Variants in IQCJ observed in about 807,000 individuals in gnomAD.
IQCJ encodes the protein IQ motif containing J.
IQCJ carries 9 observed loss-of-function variants against 11.0 expected under a neutral mutation model. The observed-to-expected ratio is 0.82, with a 90% confidence interval of 0.49 to 1.43. IQCJ has a LOEUF of 1.43. Ranked by LOEUF, IQCJ falls within the 40% of genes most tolerant of loss-of-function variation. The probability of loss-of-function intolerance (pLI) is 0.00; values close to 1 mark genes in which losing one functional copy is unlikely to be tolerated. For missense variants in IQCJ, 146 were observed against 133.2 expected (o/e 1.10, Z -0.47); for synonymous variants, 55 against 51.3 (o/e 1.07, Z -0.31).
intron 1 of IQCJ, among the ~76,000 whole-genome samples, chr3:159,070,533 GC>G (rs1715497684): frequency 1.3e-5 from 2 of 152,052 alleles, no homozygotes; most frequent in African/African-American, 4.8e-5. Flanking sequence ...TGTGCTATAT[GC>G]TTAAAAATAA....
In IQCJ at chr3:159,201,863, A is replaced by G. The variant is rs565700655; in HGVS notation, c.10-43980A>G. On this transcript the variant is annotated intron_variant, in intron 1 of 3. Coordinates refer to ENST00000397832, the MANE Select transcript of IQCJ (RefSeq NM_001042706.3). ...TTTTCCATCAGTAAGTGAACAGGTC[A>G]CTTATTTATTGGGCACTTTGGTGCT... Among the ~76,000 whole-genome samples, 149 of 152,068 alleles carry G rather than the reference A, an allele frequency of 9.8e-4. 1 individual carries two copies. The highest frequency in any genetic ancestry group is 3.4e-3 in the African/African-American group (140 of 41,486).
chr3:159,084,112 A>G (rs752858269), intron 1 of IQCJ, among the ~76,000 whole-genome samples: 11 of 152,108 alleles, frequency 7.2e-5, no homozygotes, highest in Middle Eastern at 3.4e-3. Context: ...ATCAATATCA[A>G]TTTTCTGGTT....
Position 159,262,949 on chromosome 3 carries a change from C to T in IQCJ, c.*218C>T. ...TCTCATTTCTCTATTATGGAGGTAT[C>T]TTTTTTGCTTTTCTTTATAATAGCA... On this transcript the variant is annotated 3_prime_UTR_variant, in exon 4 of 4. Transcript: ENST00000397832. 1 of 1,283,324 alleles carries T rather than the reference C, an allele frequency of 7.8e-7. No homozygotes were observed. The highest frequency in any genetic ancestry group is 9.9e-7 in the Non-Finnish European group (1 of 1,013,970). The allele number at this position is 1,283,324 out of a possible 1,614,324, so 79.5% of individuals were successfully genotyped here. A position where few individuals can be genotyped will look rare whatever the true frequency, so the allele number is the denominator to read the frequency against.
intron 1 of IQCJ, among the ~76,000 whole-genome samples, chr3:159,115,617 A>T (rs1718934942): frequency 6.6e-6 from 1 of 152,180 alleles, no homozygotes; most frequent in Non-Finnish European, 1.5e-5. Context: ...TCTGACCAAC[A>T]TAGCTAGCTC....
intron 1 of IQCJ, among the ~76,000 whole-genome samples, chr3:159,155,495 G>T (rs1403299821): frequency 1.3e-5 from 2 of 152,124 alleles, no homozygotes; most frequent in Non-Finnish European, 2.9e-5. Context: ...AGCTAACATG[G>T]ATTCCACTTG....
chr3:159,085,735 C>A (rs1716707446), intron 1 of IQCJ, among the ~76,000 whole-genome samples: 1 of 151,430 alleles, frequency 6.6e-6, no homozygotes, highest in East Asian at 1.9e-4. Context: ...AGTGTCTGTT[C>A]ATGTCCTTCG....
intron 1 of IQCJ, among the ~76,000 whole-genome samples, chr3:159,209,852 G>A (rs775168343): frequency 6.6e-6 from 1 of 152,182 alleles, no homozygotes; most frequent in Non-Finnish European, 1.5e-5. Context: ...CATTTGCAGG[G>A]ATGCAACCCT....
intron 1 of IQCJ, among the ~76,000 whole-genome samples, chr3:159,226,694 A>G (rs1725874373): frequency 6.6e-6 from 1 of 152,202 alleles, no homozygotes; most frequent in Non-Finnish European, 1.5e-5. Flanking sequence ...GGGTGAGGAA[A>G]GTACAGAGAA....
At chr3:159,207,163 T>G (rs1354002109) in intron 1 of IQCJ, among the ~76,000 whole-genome samples, 2 of 152,230 alleles carry the variant, frequency 1.3e-5, no homozygotes, top group African/African-American at 4.8e-5. Context: ...GTAGCCTTTG[T>G]TCTACATGCA....
chr3:159,165,566 C>G (rs1722114968), intron 1 of IQCJ, among the ~76,000 whole-genome samples: 1 of 151,802 alleles, frequency 6.6e-6, no homozygotes, highest in South Asian at 2.1e-4. Flanking sequence ...TTTTGTGAAG[C>G]TGGGGCTATT....
At chr3:159,157,677 T>A (rs1363968883) in intron 1 of IQCJ, among the ~76,000 whole-genome samples, 1 of 152,218 alleles carries the variant, frequency 6.6e-6, no homozygotes, top group Admixed American at 6.5e-5. Context: ...TTGTCTAACA[T>A]CTACATGATT....
chr3:159,262,987 T>A lies in IQCJ; in HGVS notation c.*256T>A. 1.7e-6 allele frequency: 2 copies of A among 1,171,228 alleles called. No individual in the cohort carries two copies. Among genetic ancestry groups the A allele is most frequent in the Non-Finnish European group, 2.1e-6 (2 of 942,988 alleles). 72.6% of individuals were successfully genotyped at this position (1,171,228 alleles called of 1,614,324 possible). ...CTTTATAATAGCATATTTCTTTTAG[T>A]ATGTGCTGTGTGTTTCTTTTATTGT... is the stretch of plus-strand genomic sequence containing the variant. On this transcript the variant is annotated 3_prime_UTR_variant, in exon 4 of 4. Coordinates refer to ENST00000397832, the MANE Select transcript of IQCJ (RefSeq NM_001042706.3).
chr3:159,233,313 T>C (rs1203676868), intron 1 of IQCJ, among the ~76,000 whole-genome samples: 1 of 152,112 alleles, frequency 6.6e-6, no homozygotes, highest in Non-Finnish European at 1.5e-5. Flanking sequence ...CAAGAAAGGT[T>C]CCAAGGAGTT....
At chr3:159,209,376 A>G (rs73029442) in intron 1 of IQCJ, among the ~76,000 whole-genome samples, 2,412 of 152,168 alleles carry the variant, frequency 0.016, 65 homozygotes, top group African/African-American at 0.055. Context: ...TTCTGCTGAC[A>G]GTCACTTCCA....
intron 1 of IQCJ, among the ~76,000 whole-genome samples, chr3:159,086,679 A>G (rs1486795204): frequency 6.6e-6 from 1 of 151,870 alleles, no homozygotes; most frequent in Non-Finnish European, 1.5e-5. Context: ...CTTTGAAGCA[A>G]TTGTGAATGG....
intron 1 of IQCJ, among the ~76,000 whole-genome samples, chr3:159,107,451 T>C (rs1223630186): frequency 6.6e-6 from 1 of 152,178 alleles, no homozygotes; most frequent in Non-Finnish European, 1.5e-5. Context: ...ATCCAGTTTA[T>C]AGTATTTTGT....
intron 2 of IQCJ, among the ~76,000 whole-genome samples, chr3:159,247,564 T>C (rs533666818): frequency 6.6e-6 from 1 of 152,280 alleles, no homozygotes; most frequent in East Asian, 1.9e-4. Context: ...GGCTGTCAGT[T>C]CAGATTCTTC....
chr3:159,263,764 T>C, downstream of IQCJ: 1 of 985,340 alleles, frequency 1.0e-6, no homozygotes, highest in Non-Finnish European at 1.2e-6. Flanking sequence ...TGCCTAGATA[T>C]GGATTTAAAG....
intron 1 of IQCJ, among the ~76,000 whole-genome samples, chr3:159,219,887 G>A (rs998377082): frequency 2.6e-5 from 4 of 152,128 alleles, no homozygotes; most frequent in Admixed American, 1.3e-4. Flanking sequence ...GGCCCTGGGT[G>A]AGTGAAGGAG....
Sources: allele counts gnomAD v4.1 joint callset (sites outside exome capture counted in the v4.1 genomes callset), GRCh38; gene constraint gnomAD v4.1.1; transcripts MANE v1.5; gene names NCBI Gene and HGNC (gene_info 2026-07-23, HGNC 2026-07-21).